PGPEP1L: variants seen among roughly 807,000 people sequenced by gnomAD.
PGPEP1L encodes the protein pyroglutamyl-peptidase I like.
Under a neutral mutation model 6.0 loss-of-function variants are expected in PGPEP1L, and 7 were observed. The observed-to-expected ratio is 1.17, with a 90% CI of 0.66 to 2.19. The LOEUF is 2.19. Ranked by LOEUF, PGPEP1L falls within the 30% of genes most tolerant of loss-of-function variation. The probability of loss-of-function intolerance (pLI) is 0.00; values close to 1 mark genes in which losing one functional copy is unlikely to be tolerated. For missense variants in PGPEP1L, 209 were observed against 192.5 expected, an observed-to-expected ratio of 1.09 and a Z score of -0.51; for synonymous variants, 103 against 83.9, an observed-to-expected ratio of 1.23 and a Z score of -1.24.
chr15:98,969,537 C>G lies in PGPEP1L; in HGVS notation c.97G>C (p.Val33Leu). ...ACGTCTGGGCTGCCAGGTAGGCACA[C>G]GCCGCCCTCGGGCCAGAAGCTGCGG... The part of the protein sequence containing the change: ...DIRSFWPEGG[V>L]CLPGSPDVLE... The change falls in exon 4 of 5, where the codon GTG becomes CTG. Residue 33 changes from valine to leucine, a missense_variant. Coordinates refer to ENST00000535714, the MANE Select transcript of PGPEP1L (RefSeq NM_001167902.2). 1 of 1,614,030 alleles carries G rather than the reference C, an allele frequency of 6.2e-7. No homozygotes were observed. Among genetic ancestry groups the G allele is most frequent in the Non-Finnish European group, 8.5e-7 (1 of 1,179,908 alleles).
rs1344010416 is a variant in PGPEP1L at position 98,968,434 on chromosome 15, C to A, written c.*44G>T. On this transcript the variant is annotated 3_prime_UTR_variant, in exon 5 of 5. Transcript: ENST00000535714. ...TCAATGCACAGTTGAGTGCTACATA[C>A]AGGATTGAAACATTCAATTTTCTCT... 1.3e-6 allele frequency: 2 copies of A among 1,572,440 alleles called. No individual in the cohort carries two copies. The highest frequency in any genetic ancestry group is 1.7e-6 in the Non-Finnish European group (2 of 1,153,050).
At chr15:98,981,013 C>G (rs989408470) in intron 2 of PGPEP1L, among the ~76,000 whole-genome samples, 1 of 151,988 alleles carries the variant, frequency 6.6e-6, no homozygotes, top group African/African-American at 2.4e-5. Flanking sequence ...TCAAGGTCAT[C>G]ATGGACAGTG....
At chr15:98,969,732 C>T (rs2017465829) in intron 3 of PGPEP1L, 81 bp from the exon 4 acceptor site, 4 of 1,417,646 alleles carry the variant, frequency 2.8e-6, no homozygotes, top group South Asian at 2.3e-5. Flanking sequence ...GGGGCCACTC[C>T]TTTTGAGAGC....
intron 2 of PGPEP1L, among the ~76,000 whole-genome samples, chr15:98,982,184 T>C (rs2017674099): frequency 6.6e-6 from 1 of 152,194 alleles, no homozygotes; most frequent in African/African-American, 2.4e-5. Flanking sequence ...GCAGACACCC[T>C]CCATGCATGT....
At position 99,000,690 on chromosome 15, in the gene PGPEP1L, A is replaced by G. The variant is rs550360500; in HGVS notation, c.-142+4739T>C. Among the ~76,000 whole-genome samples the G allele has an allele frequency of 2.1e-4, 32 of 152,228 alleles. No individual in the cohort carries two copies. In the South Asian group the frequency reaches 5.0e-3, roughly 24 times the overall value. ...CTGTATCTAACTAATCTAGTGGGGA[A>G]CTTTTGTGTCTAACTCAGGGATTAT... On this transcript the variant is annotated intron_variant, in intron 2 of 4. Coordinates refer to ENST00000535714, the MANE Select transcript of PGPEP1L (RefSeq NM_001167902.2).
intron 1 of PGPEP1L, 23 bp downstream of exon 1, chr15:99,007,336 C>G (rs2663110): frequency 0.65 from 98,268 of 152,158 alleles, 33,372 homozygotes; most frequent in Non-Finnish European, 0.76. Flanking sequence ...TGGTGAGCAG[C>G]TCTCCTAGCT....
At chr15:98,996,104 G>A (rs2017884374) in intron 2 of PGPEP1L, among the ~76,000 whole-genome samples, 1 of 152,078 alleles carries the variant, frequency 6.6e-6, no homozygotes, top group Non-Finnish European at 1.5e-5. Flanking sequence ...CTATCTTTAA[G>A]TATTTCATAT....
chr15:98,980,188 GAATA>G (rs952966931), intron 2 of PGPEP1L, among the ~76,000 whole-genome samples: 4 of 152,102 alleles, frequency 2.6e-5, no homozygotes, highest in African/African-American at 9.7e-5. Flanking sequence ...TGAAAATAAA[GAATA>G]AATAAATGAA....
chr15:98,982,700 C>CTTTTTTTTTTTTTTTTTTTTTTTTTTT lies in PGPEP1L; in HGVS notation c.-141-11569_-141-11543dup, dbSNP rs369749842. 9.5e-5 allele frequency among the ~76,000 whole-genome samples: 5 copies of CTTTTTTTTTTTTTTTTTTTTTTTTTTT among 52,458 alleles called. 1 individual carries two copies. Among genetic ancestry groups the CTTTTTTTTTTTTTTTTTTTTTTTTTTT allele is most frequent in the Non-Finnish European group, 1.7e-4 (4 of 23,892 alleles). The allele number at this position is 52,458 out of a possible 152,430, so 34.4% of individuals were successfully genotyped here. ...TCACTCTGGTTATTTTTATCTGAGG[C>CTTTTTTTTTTTTTTTTTTTTTTTTTTT]TTTTTTTTTTTTTTTTTTTTTTTTT... is the stretch of plus-strand genomic sequence containing the variant. On this transcript the variant is annotated intron_variant, in intron 2 of 4. Coordinates refer to ENST00000535714, the MANE Select transcript of PGPEP1L (RefSeq NM_001167902.2).
rs1369747249 is a variant in PGPEP1L at position 99,005,955 on chromosome 15, A to G, written c.-369-299T>C. On this transcript the variant is annotated intron_variant, in intron 1 of 4. Transcript: ENST00000535714. ...TTTCCTCTTTAGTAATCCCTGCCAG[A>G]GCCCCTCATTGTGTTTGGCCATTAT... 2.0e-5 allele frequency among the ~76,000 whole-genome samples: 3 copies of G among 152,148 alleles called. No individual in the cohort carries two copies. In the East Asian group the frequency reaches 5.8e-4, roughly 29 times the overall value.
chr15:98,978,525 A>C (rs1038011495), intron 2 of PGPEP1L, among the ~76,000 whole-genome samples: 1 of 152,050 alleles, frequency 6.6e-6, no homozygotes, highest in Non-Finnish European at 1.5e-5. Context: ...GAGATGAGAA[A>C]AGGTTTGCCC....
intron 2 of PGPEP1L, among the ~76,000 whole-genome samples, chr15:98,984,391 A>G (rs1200193906): frequency 6.6e-6 from 1 of 152,128 alleles, no homozygotes; most frequent in East Asian, 1.9e-4. Context: ...ATGCAGGAGG[A>G]TAGAAAAGAA....
intron 2 of PGPEP1L, among the ~76,000 whole-genome samples, chr15:98,981,968 G>C (rs924568578): frequency 1.3e-5 from 2 of 152,156 alleles, no homozygotes; most frequent in African/African-American, 4.8e-5. Flanking sequence ...GAAAAATGTG[G>C]GGGTCATTCT....
At chr15:98,978,726 AT>A (rs57804945) in intron 2 of PGPEP1L, among the ~76,000 whole-genome samples, 890 of 84,958 alleles carry the variant, frequency 0.01, 4 homozygotes, top group African/African-American at 0.042. Flanking sequence ...ATATATATAT[AT>A]TTTTTTTTTT....
intron 2 of PGPEP1L, among the ~76,000 whole-genome samples, chr15:98,974,308 G>C (rs1330141457): frequency 6.6e-6 from 1 of 152,122 alleles, no homozygotes; most frequent in Non-Finnish European, 1.5e-5. Flanking sequence ...GAGCCCAGAA[G>C]GTTGAGACTG....
chr15:99,006,029 G>A (rs532170385), intron 1 of PGPEP1L, among the ~76,000 whole-genome samples: 1 of 152,174 alleles, frequency 6.6e-6, no homozygotes, highest in Non-Finnish European at 1.5e-5. Context: ...CAAAATATGT[G>A]AGATGTGAGC....
At chr15:98,989,166 T>G (rs782663788) in intron 2 of PGPEP1L, among the ~76,000 whole-genome samples, 5 of 152,072 alleles carry the variant, frequency 3.3e-5, no homozygotes, top group Non-Finnish European at 7.4e-5. Context: ...CTTCACAAGG[T>G]GGATAATAAC....
At chr15:98,983,707 A>G (rs1280417435) in intron 2 of PGPEP1L, among the ~76,000 whole-genome samples, 2 of 152,208 alleles carry the variant, frequency 1.3e-5, no homozygotes, top group Non-Finnish European at 2.9e-5. Flanking sequence ...GTCTGGCTCA[A>G]TGTTAAATAT....
intron 2 of PGPEP1L, among the ~76,000 whole-genome samples, chr15:98,973,341 C>A (rs1414616523): frequency 2.0e-5 from 3 of 152,230 alleles, no homozygotes; most frequent in Non-Finnish European, 4.4e-5. Flanking sequence ...TACAGTTAAA[C>A]TGCACTCTAG....
Sources: gnomAD v4.1 joint callset for allele counts (sites outside exome capture counted in the v4.1 genomes callset) on GRCh38, gnomAD v4.1.1 for gene constraint, MANE v1.5 for transcripts, NCBI Gene and HGNC (gene_info 2026-07-23, HGNC 2026-07-21) for gene names.